The following RBFOX1 variants were observed in gnomAD, a reference collection of about 807,000 sequenced individuals.
RBFOX1 encodes the protein RNA binding fox-1 homolog 1.
Under a neutral mutation model 57.7 loss-of-function variants are expected in RBFOX1, and 8 were observed. The ratio of observed to expected loss-of-function variants is 0.14; its 90% CI spans 0.08 to 0.25. The LOEUF (loss-of-function observed/expected upper bound fraction) is 0.25, where lower values mean the gene tolerates loss of function less well. RBFOX1 is among the 10% of genes least tolerant of loss of function. The probability of loss-of-function intolerance (pLI) is 1.00; values close to 1 mark genes in which losing one functional copy is unlikely to be tolerated. For missense variants in RBFOX1, 611 were observed against 548.5 expected, an observed-to-expected ratio of 1.11 and a Z score of -1.14; for synonymous variants, 326 against 222.4, an observed-to-expected ratio of 1.47 and a Z score of -4.15.
intron 3 of RBFOX1, among the ~76,000 whole-genome samples, chr16:6,923,166 A>G (rs1458800614): frequency 1.3e-5 from 2 of 152,170 alleles, no homozygotes; most frequent in African/African-American, 4.8e-5. Context: ...CTGAGAATAA[A>G]TACCCTGGTC....
chr16:5,927,486 A>C (rs1426530272), intron 4 of RBFOX1, among the ~76,000 whole-genome samples: 2 of 152,228 alleles, frequency 1.3e-5, no homozygotes, highest in Non-Finnish European at 2.9e-5. Context: ...GAACGCTTGT[A>C]CACTGCTAGT....
intron 1 of RBFOX1, among the ~76,000 whole-genome samples, chr16:5,254,089 A>G (rs1487739093): frequency 2.0e-5 from 3 of 152,062 alleles, no homozygotes; most frequent in African/African-American, 4.8e-5. Flanking sequence ...TCTGATTCTC[A>G]TTTGTGTCTC....
At chr16:6,221,099 T>C (rs1367083549) in intron 1 of RBFOX1, among the ~76,000 whole-genome samples, 4 of 152,276 alleles carry the variant, frequency 2.6e-5, no homozygotes, top group South Asian at 2.1e-4. Context: ...ATTATCTCTT[T>C]AGGCCATATT....
chr16:6,525,420 T>C (rs1181690050), intron 2 of RBFOX1, among the ~76,000 whole-genome samples: 2 of 152,180 alleles, frequency 1.3e-5, no homozygotes, highest in African/African-American at 2.4e-5. Flanking sequence ...CCTGGAGACA[T>C]TGAGAAGTGA....
chr16:5,657,512 A>C (rs1256530788), intron 3 of RBFOX1, among the ~76,000 whole-genome samples: 1 of 152,142 alleles, frequency 6.6e-6, no homozygotes, highest in Non-Finnish European at 1.5e-5. Context: ...AGTATTGAGC[A>C]GCACAGTGTG....
chr16:7,175,079 A>T (rs1232411649), intron 4 of RBFOX1, among the ~76,000 whole-genome samples: 2 of 147,008 alleles, frequency 1.4e-5, no homozygotes, highest in Admixed American at 6.8e-5. Context: ...CATGTGCAGG[A>T]TGTGCACGTT....
chr16:5,457,036 T>G (rs2068651692), intron 1 of RBFOX1, among the ~76,000 whole-genome samples: 1 of 152,190 alleles, frequency 6.6e-6, no homozygotes, highest in East Asian at 1.9e-4. Flanking sequence ...AAGATTGAGG[T>G]GCCGGCCGGT....
Position 7,131,713 on chromosome 16 carries a change from G to A in RBFOX1, c.27+79615G>A, listed in dbSNP as rs772974916. Among the ~76,000 whole-genome samples, 8 of 152,014 alleles carry A rather than the reference G, an allele frequency of 5.3e-5. No homozygotes were observed. In the Middle Eastern group the frequency reaches 0.01, roughly 194 times the overall value. On this transcript the variant is annotated intron_variant, in intron 4 of 15. Coordinates refer to ENST00000550418, the MANE Select transcript of RBFOX1 (RefSeq NM_018723.4). The stretch of plus-strand genomic sequence containing the variant: ...GCCAGACAGTAAGCCAAGCATAACC[G>A]CATACATCTGACCAGAGGCTCTTGT...
chr16:6,400,904 A>G (rs1457578698), intron 2 of RBFOX1, among the ~76,000 whole-genome samples: 1 of 152,150 alleles, frequency 6.6e-6, no homozygotes, highest in Non-Finnish European at 1.5e-5. Flanking sequence ...TACACACAAA[A>G]TCAGCATTGA....
At chr16:6,689,407 A>G (rs908801385) in intron 3 of RBFOX1, among the ~76,000 whole-genome samples, 1 of 152,206 alleles carries the variant, frequency 6.6e-6, no homozygotes, top group Non-Finnish European at 1.5e-5. Context: ...GGCAATAGAT[A>G]ATACTTTTTT....
At chr16:5,655,070 C>T (rs1015503223) in intron 3 of RBFOX1, among the ~76,000 whole-genome samples, 1 of 152,194 alleles carries the variant, frequency 6.6e-6, no homozygotes, top group Non-Finnish European at 1.5e-5. Flanking sequence ...GCGCATCTGT[C>T]TCCACACTTA....
intron 10 of RBFOX1, among the ~76,000 whole-genome samples, chr16:7,613,896 C>T (rs564100347): frequency 6.6e-6 from 1 of 152,168 alleles, no homozygotes; most frequent in Non-Finnish European, 1.5e-5. Flanking sequence ...CACAAGTTTG[C>T]TCTATTTTAT....
At chr16:6,797,696 C>T (rs2084405016) in intron 3 of RBFOX1, among the ~76,000 whole-genome samples, 1 of 152,038 alleles carries the variant, frequency 6.6e-6, no homozygotes, top group Non-Finnish European at 1.5e-5. Flanking sequence ...TGGACCATTC[C>T]AACTATAGGC....
intron 2 of RBFOX1, among the ~76,000 whole-genome samples, chr16:5,555,336 C>T (rs1345117498): frequency 6.6e-6 from 1 of 152,058 alleles, no homozygotes; most frequent in Non-Finnish European, 1.5e-5. Flanking sequence ...TGACTGCAAC[C>T]TACACCTCCT....
intron 3 of RBFOX1, among the ~76,000 whole-genome samples, chr16:6,687,262 A>G (rs545378152): frequency 6.6e-6 from 1 of 152,262 alleles, no homozygotes; most frequent in Non-Finnish European, 1.5e-5. Context: ...ACAGAGTGAT[A>G]TAATCGACTT....
At chr16:6,675,528 C>G (rs2057486125) in intron 3 of RBFOX1, among the ~76,000 whole-genome samples, 1 of 152,156 alleles carries the variant, frequency 6.6e-6, no homozygotes, top group East Asian at 1.9e-4. Flanking sequence ...GAACCAGGCC[C>G]TGCCACAGTA....
chr16:7,366,876 A>T (rs950169881), intron 4 of RBFOX1, among the ~76,000 whole-genome samples: 10 of 152,114 alleles, frequency 6.6e-5, no homozygotes, highest in South Asian at 2.1e-4. Flanking sequence ...AAGCGCATAG[A>T]GCTTTTGGGA....
chr16:7,549,920 C>G (rs900158863), intron 5 of RBFOX1, among the ~76,000 whole-genome samples: 3 of 152,150 alleles, frequency 2.0e-5, no homozygotes, highest in South Asian at 2.1e-4. Context: ...TCATATCCTT[C>G]TCTTTTTCTT....
chr16:6,752,530 T>C (rs563744912), intron 3 of RBFOX1, among the ~76,000 whole-genome samples: 2 of 152,320 alleles, frequency 1.3e-5, no homozygotes, highest in South Asian at 4.1e-4. Flanking sequence ...TTGTTCATCT[T>C]TGAAAGCAAG....
Sources: allele counts gnomAD v4.1 joint callset (sites outside exome capture counted in the v4.1 genomes callset), GRCh38; gene constraint gnomAD v4.1.1; transcripts MANE v1.5; gene names NCBI Gene and HGNC (gene_info 2026-07-23, HGNC 2026-07-21).